Variants in TSGA10 observed in about 807,000 individuals in gnomAD.
TSGA10 encodes the protein testis-specific gene 10 protein.
In TSGA10, 43 loss-of-function variants were observed where a neutral mutation model predicts 96.6. The observed-to-expected ratio is 0.44, with a 90% CI of 0.35 to 0.57. The LOEUF is 0.57. Among genes scored for constraint, TSGA10 ranks in the 20% least tolerant of loss-of-function variants. The probability of loss-of-function intolerance (pLI) is 0.01; values close to 1 mark genes in which losing one functional copy is unlikely to be tolerated. For missense variants in TSGA10, 703 were observed against 834.4 expected (o/e 0.84, Z 1.94); for synonymous variants, 229 against 269.9 (o/e 0.85, Z 1.48).
At chr2:99,141,542 T>G (rs1280581151) in intron 1 of TSGA10, 1 of 110,418 alleles carries the variant, frequency 9.1e-6, no homozygotes, top group African/African-American at 2.8e-5. Flanking sequence ...GACCCCTTCC[T>G]GGCCCATCCG....
At chr2:99,102,074 T>A (rs2090822009) in intron 10 of TSGA10, 2 of 1,488,802 alleles carry the variant, frequency 1.3e-6, no homozygotes, top group East Asian at 4.5e-5. Flanking sequence ...AGTTTGTAAA[T>A]TTCTCTGAGC....
chr2:99,052,486 C>T (rs2083491487), intron 16 of TSGA10, among the ~76,000 whole-genome samples: 2 of 152,048 alleles, frequency 1.3e-5, no homozygotes, highest in African/African-American at 4.8e-5. Context: ...ATAAATCTGT[C>T]CCAGAACTTT....
chr2:99,070,039 A>G (rs1416828630), intron 14 of TSGA10, among the ~76,000 whole-genome samples: 1 of 152,146 alleles, frequency 6.6e-6, no homozygotes, highest in Non-Finnish European at 1.5e-5. Context: ...CCTGTGGTCC[A>G]CAGAGAGAGA....
chr2:99,137,370 C>A (rs966045147), intron 1 of TSGA10, among the ~76,000 whole-genome samples: 1 of 152,112 alleles, frequency 6.6e-6, no homozygotes, highest in African/African-American at 2.4e-5. Context: ...CACAGAAATT[C>A]GGACTGAAGC....
At chr2:99,009,179 G>T (rs2078776715) in intron 20 of TSGA10, among the ~76,000 whole-genome samples, 2 of 152,134 alleles carry the variant, frequency 1.3e-5, no homozygotes, top group South Asian at 2.1e-4. Flanking sequence ...TGAAACAAAT[G>T]AATCCAATGT....
chr2:99,005,418 T>C (rs1267151526), intron 20 of TSGA10, among the ~76,000 whole-genome samples: 1 of 152,194 alleles, frequency 6.6e-6, no homozygotes, highest in Non-Finnish European at 1.5e-5. Flanking sequence ...AAAATCTCCT[T>C]AAGCTGATAG....
chr2:99,050,223 A>AG (rs1196396984), intron 16 of TSGA10, among the ~76,000 whole-genome samples: 1 of 152,142 alleles, frequency 6.6e-6, no homozygotes, highest in Admixed American at 6.5e-5. Flanking sequence ...TTTTCCTCTC[A>AG]GGTTTTTAAA....
At chr2:99,102,635 G>A in intron 10 of TSGA10, 1 of 1,614,082 alleles carries the variant, frequency 6.2e-7, no homozygotes, top group Non-Finnish European at 8.5e-7. Context: ...GGCCTGAACT[G>A]CTTGAGTCAG....
At chr2:99,080,625 G>A (rs182754586) in intron 11 of TSGA10, among the ~76,000 whole-genome samples, 88 of 151,986 alleles carry the variant, frequency 5.8e-4, no homozygotes, top group Non-Finnish European at 9.0e-4. Context: ...AATATTTCCC[G>A]GTTTGATAAA....
chr2:99,009,333 C>A (rs777336167), intron 20 of TSGA10, among the ~76,000 whole-genome samples: 1 of 152,032 alleles, frequency 6.6e-6, no homozygotes, highest in Non-Finnish European at 1.5e-5. Flanking sequence ...CAAACAGATT[C>A]TGAGCTTTTA....
chr2:99,122,764 C>T, intron 2 of TSGA10, among the ~76,000 whole-genome samples: 1 of 151,384 alleles, frequency 6.6e-6, no homozygotes, highest in East Asian at 1.9e-4. Context: ...GCACTACAGC[C>T]TGGATGACAG....
At chr2:99,094,899 GT>G (rs2089848081) in intron 10 of TSGA10, among the ~76,000 whole-genome samples, 2 of 152,152 alleles carry the variant, frequency 1.3e-5, no homozygotes, top group African/African-American at 4.8e-5. Flanking sequence ...CAACTACTGA[GT>G]GTCTACCCAG....
intron 17 of TSGA10, 21 bp from the exon 18 acceptor site, chr2:99,020,503 A>G: frequency 6.5e-7 from 1 of 1,532,066 alleles, no homozygotes; most frequent in South Asian, 1.1e-5. Context: ...ACAAGAAGAT[A>G]TCTACACTTA....
intron 20 of TSGA10, among the ~76,000 whole-genome samples, chr2:99,010,345 G>T (rs935100171): frequency 2.0e-5 from 3 of 152,166 alleles, no homozygotes; most frequent in African/African-American, 7.2e-5. Context: ...AAAACCAAAA[G>T]AATTCACATA....
At chr2:99,045,113 T>G (rs1161024807) in intron 16 of TSGA10, among the ~76,000 whole-genome samples, 3 of 151,648 alleles carry the variant, frequency 2.0e-5, no homozygotes, top group Non-Finnish European at 4.4e-5. Context: ...ACATCACAAT[T>G]AAAAGAACTA....
At chr2:99,060,401 C>T (rs1014218408) in intron 16 of TSGA10, among the ~76,000 whole-genome samples, 2 of 152,114 alleles carry the variant, frequency 1.3e-5, no homozygotes, top group Admixed American at 1.3e-4. Flanking sequence ...AATACCTATA[C>T]ACTGAAAAGT....
intron 17 of TSGA10, among the ~76,000 whole-genome samples, chr2:99,032,414 C>T (rs1206155161): frequency 6.6e-6 from 1 of 152,182 alleles, no homozygotes; most frequent in Admixed American, 6.5e-5. Context: ...TTCATTGCAA[C>T]AGGTAGATTC....
intron 10 of TSGA10, among the ~76,000 whole-genome samples, chr2:99,083,170 AG>A (rs2087750874): frequency 6.6e-6 from 1 of 152,226 alleles, no homozygotes; most frequent in South Asian, 2.1e-4. Context: ...ACCTAATAAA[AG>A]ATGAAATCCA....
chr2:99,125,526 T>G (rs1053675706), intron 2 of TSGA10: 1 of 152,246 alleles, frequency 6.6e-6, no homozygotes, highest in Admixed American at 6.5e-5. Context: ...TAACATCCGT[T>G]CCATTTCAGT....
Sources: allele counts gnomAD v4.1 joint callset (sites outside exome capture counted in the v4.1 genomes callset), GRCh38; gene constraint gnomAD v4.1.1; transcripts MANE v1.5; gene names NCBI Gene and HGNC (gene_info 2026-07-23, HGNC 2026-07-21).